The following PTPRT variants were observed in gnomAD, a reference collection of about 807,000 sequenced individuals.
The protein encoded by PTPRT is receptor-type tyrosine-protein phosphatase T.
PTPRT carries 56 observed loss-of-function variants against 176.8 expected under a neutral mutation model. The observed-to-expected ratio is 0.32, with a 90% confidence interval of 0.26 to 0.40. The LOEUF (loss-of-function observed/expected upper bound fraction) is 0.40, where lower values mean the gene tolerates loss of function less well. PTPRT is among the 10% of genes least tolerant of loss of function. PTPRT has a pLI of 1.00. For synonymous variants in PTPRT, 783 were observed against 739.0 expected (o/e 1.06, Z -0.96); for missense variants, 1,540 against 1,908.2 (o/e 0.81, Z 3.60).
the PTPRT span, among the ~76,000 whole-genome samples, chr20:42,062,577 C>G: frequency 1.3e-5 from 2 of 152,222 alleles, no homozygotes; most frequent in African/African-American, 4.8e-5. Context: ...TTTAATCCCC[C>G]TCCTGTGGCC....
intron 1 of PTPRT, among the ~76,000 whole-genome samples, chr20:43,053,478 C>T (rs1039832128): frequency 4.6e-5 from 7 of 152,224 alleles, no homozygotes; most frequent in East Asian, 1.9e-4. Context: ...TGAATTAAAG[C>T]AATCCCCATC....
chr20:43,031,367 T>C (rs1464054863), intron 1 of PTPRT, among the ~76,000 whole-genome samples: 1 of 152,108 alleles, frequency 6.6e-6, no homozygotes, highest in Non-Finnish European at 1.5e-5. Context: ...TTCCACCAAG[T>C]GAAGACACAG....
intron 2 of PTPRT, among the ~76,000 whole-genome samples, chr20:42,797,646 A>G (rs900628321): frequency 3.3e-5 from 5 of 151,566 alleles, no homozygotes; most frequent in African/African-American, 1.2e-4. Context: ...GTTACCTTTC[A>G]TGGCAAGAGA....
chr20:42,259,189 C>A (rs1313758510), intron 13 of PTPRT, among the ~76,000 whole-genome samples: 2 of 152,198 alleles, frequency 1.3e-5, no homozygotes, highest in African/African-American at 4.8e-5. Flanking sequence ...TTGTTTTACA[C>A]TGTAAATGCT....
At chr20:42,227,920 G>C (rs1012559580) in intron 15 of PTPRT, among the ~76,000 whole-genome samples, 2 of 152,098 alleles carry the variant, frequency 1.3e-5, no homozygotes, top group Non-Finnish European at 2.9e-5. Flanking sequence ...CCTCATTCTT[G>C]AAGGTGGATC....
At chr20:43,167,558 A>G in intron 1 of PTPRT, among the ~76,000 whole-genome samples, 1 of 152,208 alleles carries the variant, frequency 6.6e-6, no homozygotes, top group Admixed American at 6.5e-5. Flanking sequence ...GAATGTGGCT[A>G]GACTAGTGAC....
intron 6 of PTPRT, among the ~76,000 whole-genome samples, chr20:42,724,180 A>T (rs910195351): frequency 6.6e-6 from 1 of 152,206 alleles, no homozygotes; most frequent in Non-Finnish European, 1.5e-5. Context: ...TCACTTTTTA[A>T]TCTAATCAGC....
At chr20:43,074,115 G>A (rs533130225) in intron 1 of PTPRT, among the ~76,000 whole-genome samples, 13 of 152,210 alleles carry the variant, frequency 8.5e-5, no homozygotes, top group East Asian at 5.8e-4. Flanking sequence ...GTTATGGGCC[G>A]AGTGGCAATT....
At position 42,422,439 on chromosome 20, in the gene PTPRT, T is replaced by A. The variant is rs115736278; in HGVS notation, c.1560+25781A>T. On this transcript the variant is annotated intron_variant, in intron 9 of 30. Coordinates refer to ENST00000373187, the MANE Select transcript of PTPRT (RefSeq NM_007050.6). ...GAAGACAACAGGCGGCAAACAAACA[T>A]GAAAACATGCTCAACATCACTGATC... Among the ~76,000 whole-genome samples, 831 of 152,116 alleles carry A rather than the reference T, an allele frequency of 5.5e-3. 12 individuals carry two copies. Among genetic ancestry groups the A allele is most frequent in the African/African-American group, 0.019 (791 of 41,478 alleles).
chr20:42,663,441 A>G lies in PTPRT; in HGVS notation c.1153+14425T>C, dbSNP rs1419215144. Among the ~76,000 whole-genome samples, 6 of 152,280 alleles carry G rather than the reference A, an allele frequency of 3.9e-5. No individual in the cohort carries two copies. In the South Asian group the frequency reaches 1.0e-3, roughly 26 times the overall value. On this transcript the variant is annotated intron_variant, in intron 7 of 30. Coordinates refer to ENST00000373187, the MANE Select transcript of PTPRT (RefSeq NM_007050.6). The stretch of plus-strand genomic sequence containing the variant: ...ACCAAGAGAAGTTTGCTGCTGCAGG[A>G]AACAGCCTTTGTTATGTGGCTTCGG...
At position 43,025,736 on chromosome 20, in the gene PTPRT, C is replaced by A. The variant is rs150561526; in HGVS notation, c.89-139804G>T. Among the ~76,000 whole-genome samples the A allele has an allele frequency of 1.1e-4, 17 of 152,290 alleles. No individual in the cohort carries two copies. The East Asian group carries it at 1.9e-3, about 17-fold the overall frequency. Reference sequence around the variant, plus strand: ...CTGGAATATCTCTCAGGAACACACACAAAAAATTTTCTTCTGGCAGAATTC... The same window carrying A: ...CTGGAATATCTCTCAGGAACACACAAAAAAAATTTTCTTCTGGCAGAATTC... On this transcript the variant is annotated intron_variant, in intron 1 of 30. Coordinates refer to ENST00000373187, the MANE Select transcript of PTPRT (RefSeq NM_007050.6).
chr20:42,243,627 C>T (rs2056398152), intron 14 of PTPRT, among the ~76,000 whole-genome samples: 1 of 152,024 alleles, frequency 6.6e-6, no homozygotes, highest in African/African-American at 2.4e-5. Context: ...AAAACAAGCC[C>T]CAGAGAGGAA....
At position 42,979,978 on chromosome 20, in the gene PTPRT, G is replaced by A. The variant is rs1004318927; in HGVS notation, c.89-94046C>T. On this transcript the variant is annotated intron_variant, in intron 1 of 30. Coordinates refer to ENST00000373187, the MANE Select transcript of PTPRT (RefSeq NM_007050.6). ...CGGAGAGCATGCAAGTATGCCGGCC[G>A]GGAAGGGGGGGTGGGGGGGGGTCTT... Among the ~76,000 whole-genome samples the A allele has an allele frequency of 1.0e-3, 128 of 124,620 alleles. 2 individuals carry two copies. The highest frequency in any genetic ancestry group is 4.1e-4 in the Non-Finnish European group (24 of 58,742). The allele number at this position is 124,620 out of a possible 152,430, so 81.8% of individuals were successfully genotyped here. A position where few individuals can be genotyped will look rare whatever the true frequency, so the allele number is the denominator to read the frequency against.
intron 7 of PTPRT, among the ~76,000 whole-genome samples, chr20:42,589,026 G>A (rs2073522409): frequency 6.6e-6 from 1 of 152,168 alleles, no homozygotes; most frequent in South Asian, 2.1e-4. Context: ...TAGAGGAAAT[G>A]ACACATTCAT....
At chr20:42,303,368 C>T (rs1458458872) in intron 12 of PTPRT, among the ~76,000 whole-genome samples, 1 of 152,182 alleles carries the variant, frequency 6.6e-6, no homozygotes, top group African/African-American at 2.4e-5. Context: ...GGGACTTAGG[C>T]TGGCCATGTT....
intron 7 of PTPRT, among the ~76,000 whole-genome samples, chr20:42,616,008 T>G (rs1225114865): frequency 7.8e-6 from 1 of 128,734 alleles, no homozygotes. Flanking sequence ...ATGAAGTCCT[T>G]GCCCATGCCT....
chr20:42,749,832 A>G (rs1569132445), intron 6 of PTPRT, among the ~76,000 whole-genome samples: 1 of 152,236 alleles, frequency 6.6e-6, no homozygotes, highest in East Asian at 1.9e-4. Flanking sequence ...ACTAGAGGCT[A>G]TAAATGCAAA....
rs1053453988 is a variant in PTPRT, at chr20:42,505,453, C to T, written c.1154-32891G>A. ...AGTAGCTGGGATTACAGGCGCCCAC[C>T]ACCATGCCTGGGTAATTTTTGTATT... is the stretch of plus-strand genomic sequence containing the variant. On this transcript the variant is annotated intron_variant, in intron 7 of 30. Transcript: ENST00000373187. Among the ~76,000 whole-genome samples, 3 of 152,196 alleles carry T rather than the reference C, an allele frequency of 2.0e-5. No individual in the cohort carries two copies. In the South Asian group the frequency reaches 6.2e-4, roughly 32 times the overall value.
At chr20:42,755,712 C>G (rs2076821673) in intron 6 of PTPRT, among the ~76,000 whole-genome samples, 1 of 151,988 alleles carries the variant, frequency 6.6e-6, no homozygotes, top group Non-Finnish European at 1.5e-5. Flanking sequence ...ATGTTCTCTC[C>G]AGAAGAACTC....
Sources: allele counts gnomAD v4.1 joint callset (sites outside exome capture counted in the v4.1 genomes callset), GRCh38; gene constraint gnomAD v4.1.1; transcripts MANE v1.5; gene names NCBI Gene and HGNC (gene_info 2026-07-23, HGNC 2026-07-21).